Variants in PPTC7 observed in about 807,000 individuals in gnomAD.
The protein encoded by PPTC7 is protein phosphatase targeting COQ7.
A neutral mutation model predicts 30.8 loss-of-function variants in PPTC7; 6 were observed. That is an observed-to-expected ratio of 0.19 (90% CI 0.11 to 0.38). PPTC7 has a LOEUF of 0.38. Among genes scored for constraint, PPTC7 ranks in the 10% least tolerant of loss-of-function variants. The pLI is 1.00. For missense variants in PPTC7, 218 were observed against 404.8 expected (o/e 0.54, Z 3.96); for synonymous variants, 163 against 168.1 (o/e 0.97, Z 0.23).
chr12:110,548,496 C>A (rs2064327135), intron 2 of PPTC7, among the ~76,000 whole-genome samples: 1 of 152,168 alleles, frequency 6.6e-6, no homozygotes, highest in Non-Finnish European at 1.5e-5. Flanking sequence ...TGTCAGATAA[C>A]CCGCTCCATA....
At chr12:110,538,043 G>A in intron 5 of PPTC7, 101 bp downstream of exon 5, 1 of 1,295,964 alleles carries the variant, frequency 7.7e-7, no homozygotes, top group Non-Finnish European at 1.1e-6. Flanking sequence ...TTGGGGGCTG[G>A]GAGAGGACAC....
intron 1 of PPTC7, among the ~76,000 whole-genome samples, chr12:110,567,723 C>G (rs2064496489): frequency 6.6e-6 from 1 of 152,190 alleles, no homozygotes; most frequent in African/African-American, 2.4e-5. Flanking sequence ...TTGTTTTTTA[C>G]AACACTGCAA....
intron 2 of PPTC7, among the ~76,000 whole-genome samples, chr12:110,547,179 A>T (rs1030490943): frequency 1.3e-5 from 2 of 152,204 alleles, no homozygotes; most frequent in African/African-American, 4.8e-5. Flanking sequence ...GAAACAATCT[A>T]AACATCTAAA....
chr12:110,571,007 C>A (rs2064530372), intron 1 of PPTC7, among the ~76,000 whole-genome samples: 1 of 152,402 alleles, frequency 6.6e-6, no homozygotes, highest in African/African-American at 2.4e-5. Flanking sequence ...ACCCCTACAT[C>A]TGGCGCCCAA....
Position 110,539,837 on chromosome 12 carries a change from C to T in PPTC7, c.711G>A (p.Glu237=), listed in dbSNP as rs1433054778. The change falls in exon 4 of 6, where the codon GAG becomes GAA. Residue 237 remains glutamate (E), a synonymous_variant. Transcript: ENST00000354300. ...AGTTAATTACCTTTAACTTTTTTAG[C>T]TCCTGAAGAATCATATAATCAGGCA... ...DNMPDYMILQ[E]LKKLKNSNYE... 1 of 1,613,722 alleles carries T rather than the reference C, an allele frequency of 6.2e-7. No individual in the cohort carries two copies. The highest frequency in any genetic ancestry group is 1.3e-5 in the African/African-American group (1 of 74,914).
intron 4 of PPTC7, among the ~76,000 whole-genome samples, chr12:110,539,272 C>T (rs557834343): frequency 2.6e-4 from 39 of 152,194 alleles, no homozygotes; most frequent in Middle Eastern, 3.4e-3. Flanking sequence ...AAGAAAGAAA[C>T]GTACCCAAAG....
intron 2 of PPTC7, among the ~76,000 whole-genome samples, chr12:110,548,010 G>A (rs1403062897): frequency 6.6e-6 from 1 of 151,998 alleles, no homozygotes; most frequent in African/African-American, 2.4e-5. Flanking sequence ...CGGAGGCTGG[G>A]GCACAAGAAT....
At chr12:110,562,801 AAAAAG>A (rs1450731349) in intron 1 of PPTC7, among the ~76,000 whole-genome samples, 1 of 151,510 alleles carries the variant, frequency 6.6e-6, no homozygotes, top group African/African-American at 2.4e-5. Context: ...TCAAAAAAGA[AAAAAG>A]AAGAGGAAAA....
At chr12:110,558,566 A>C (rs891927003) in intron 1 of PPTC7, among the ~76,000 whole-genome samples, 3 of 152,276 alleles carry the variant, frequency 2.0e-5, no homozygotes, top group Non-Finnish European at 4.4e-5. Context: ...ACATATCAGA[A>C]ATAGCTGAGC....
intron 1 of PPTC7, among the ~76,000 whole-genome samples, chr12:110,567,877 A>G (rs74392361): frequency 2.0e-5 from 3 of 152,296 alleles, no homozygotes; most frequent in African/African-American, 2.4e-5. Context: ...GACAAGGGTG[A>G]TGAGACTTCA....
intron 1 of PPTC7, among the ~76,000 whole-genome samples, chr12:110,569,032 G>GCCCCC (rs5800891): frequency 4.2e-5 from 5 of 119,822 alleles, no homozygotes; most frequent in African/African-American, 9.9e-5. Flanking sequence ...CCCTGTCCCC[G>GCCCCC]CCCCCCCCCC....
At chr12:110,545,064 T>C (rs1025787937) in intron 3 of PPTC7, among the ~76,000 whole-genome samples, 3 of 152,012 alleles carry the variant, frequency 2.0e-5, no homozygotes, top group African/African-American at 7.3e-5. Flanking sequence ...CCTACACCAC[T>C]GTGCCCACCT....
In PPTC7 at chr12:110,537,043, T is replaced by C; in HGVS notation, c.909A>G (p.Thr303=). ...TVLLSIVAEY[T]D is the part of the protein sequence containing the mutation. ...GCAGGACTTGACACCTCAGCTAGTC[T>C]GTATACTCAGCCACTATTGAAAGAA... The change falls in exon 6 of 6, where the codon ACA becomes ACG. Residue 303 remains threonine, a synonymous_variant. Transcript: ENST00000354300. 6.2e-7 allele frequency: 1 copy of C among 1,612,674 alleles called. No homozygotes were observed. Among genetic ancestry groups the C allele is most frequent in the Non-Finnish European group, 8.5e-7 (1 of 1,178,690 alleles).
In PPTC7 at chr12:110,539,908, G is replaced by C; in HGVS notation, c.640C>G (p.Leu214Val). Residue 214 changes from leucine (L) to valine (V), a missense_variant, in exon 4 of 6, where the codon CTA (leucine) becomes GTA (valine). Coordinates refer to ENST00000354300, the MANE Select transcript of PPTC7 (RefSeq NM_139283.2). Reference sequence around the variant, plus strand: ...GTTGCCGTCAGGATAATGTCTCCTAGCTGGACATCGAAAGACGTGCTATCA... The same window carrying C: ...GTTGCCGTCAGGATAATGTCTCCTACCTGGACATCGAAAGACGTGCTATCA... ...AADSTSFDVQ[L>V]GDIILTATDG... The C allele has an allele frequency of 1.2e-6, 2 of 1,614,100 alleles. No homozygotes were observed. Among genetic ancestry groups the C allele is most frequent in the Non-Finnish European group, 1.7e-6 (2 of 1,179,980 alleles).
At chr12:110,548,251 T>C (rs1029145458) in intron 2 of PPTC7, among the ~76,000 whole-genome samples, 1 of 152,172 alleles carries the variant, frequency 6.6e-6, no homozygotes, top group Admixed American at 6.5e-5. Context: ...GAAAGCATAA[T>C]CACTCAAATA....
intron 1 of PPTC7, among the ~76,000 whole-genome samples, chr12:110,578,579 GAAAC>G (rs2064608437): frequency 6.6e-6 from 1 of 152,082 alleles, no homozygotes; most frequent in African/African-American, 2.4e-5. Context: ...TTAAATTAAA[GAAAC>G]AAAAGAGATT....
chr12:110,553,949 C>A (rs1168972211), intron 1 of PPTC7, among the ~76,000 whole-genome samples: 1 of 152,140 alleles, frequency 6.6e-6, no homozygotes, highest in Non-Finnish European at 1.5e-5. Context: ...GCAACCTCTG[C>A]CTCCCAGGTT....
At chr12:110,556,864 G>A (rs2064392396) in intron 1 of PPTC7, among the ~76,000 whole-genome samples, 1 of 152,194 alleles carries the variant, frequency 6.6e-6, no homozygotes, top group Non-Finnish European at 1.5e-5. Flanking sequence ...CCAGTGGTTA[G>A]TGCTTACGGA....
At chr12:110,575,607 CAAAAAAAA>C (rs55831249) in intron 1 of PPTC7, among the ~76,000 whole-genome samples, 1 of 26,518 alleles carries the variant, frequency 3.8e-5, no homozygotes, top group African/African-American at 1.4e-4. Flanking sequence ...AACCCCACCT[CAAAAAAAA>C]AAAAAAAAAA....
Sources: allele counts gnomAD v4.1 joint callset (sites outside exome capture counted in the v4.1 genomes callset), GRCh38; gene constraint gnomAD v4.1.1; transcripts MANE v1.5; gene names NCBI Gene and HGNC (gene_info 2026-07-23, HGNC 2026-07-21).